Variants in SERP2 observed in about 807,000 individuals in gnomAD.
The protein encoded by SERP2 is stress associated endoplasmic reticulum protein family member 2.
Under a neutral mutation model 9.1 loss-of-function variants are expected in SERP2, and 6 were observed. The ratio of observed to expected loss-of-function variants is 0.66; its 90% CI spans 0.36 to 1.30. The LOEUF (loss-of-function observed/expected upper bound fraction) is 1.30, where lower values mean the gene tolerates loss of function less well. Ranked by LOEUF, SERP2 falls within the 50% of genes most tolerant of loss-of-function variation. SERP2 has a pLI of 0.03. For synonymous variants in SERP2, 37 were observed against 27.3 expected (o/e 1.35, Z -1.10); for missense variants, 58 against 81.9 (o/e 0.71, Z 1.13).
intron 2 of SERP2, among the ~76,000 whole-genome samples, chr13:44,380,352 ACTT>A (rs1423525186): frequency 6.6e-6 from 1 of 152,132 alleles, no homozygotes; most frequent in Non-Finnish European, 1.5e-5. Flanking sequence ...AGTGGAGGTC[ACTT>A]CTTCTAACTA....
chr13:44,392,212 A>AAAAAAAAAAAAAAAAAAC, intron 2 of SERP2, among the ~76,000 whole-genome samples: 1 of 147,806 alleles, frequency 6.8e-6, no homozygotes, highest in African/African-American at 2.5e-5. Context: ...AAAAAAAAAA[A>AAAAAAAAAAAAAAAAAAC]AGCCCTGTGG....
chr13:44,396,896 G>A (rs376358349), intron 2 of SERP2, among the ~76,000 whole-genome samples: 20 of 152,198 alleles, frequency 1.3e-4, no homozygotes, highest in East Asian at 1.2e-3. Flanking sequence ...TGAAAAGGCA[G>A]ACTCACTGAC....
At chr13:44,377,222 A>G (rs769507607) in intron 1 of SERP2, among the ~76,000 whole-genome samples, 32 of 152,246 alleles carry the variant, frequency 2.1e-4, no homozygotes, top group Non-Finnish European at 4.1e-4. Context: ...TTTTCTGCAT[A>G]TGAAAAATAA....
rs1872156620 is a variant in SERP2, at chr13:44,383,739, G to A, written c.157+4026G>A. On this transcript the variant is annotated intron_variant, in intron 2 of 2. Transcript: ENST00000379179. ...ATTTTTTTTTTTTTTTTTTAGTAGT[G>A]ACGGGGTTTCACCATGTTGGCCAGA... 6.8e-5 allele frequency among the ~76,000 whole-genome samples: 10 copies of A among 147,674 alleles called. No homozygotes were observed. The South Asian group carries it at 2.1e-3, about 32-fold the overall frequency.
At chr13:44,391,747 TTGTGTTTTAACCTGTCCCCAAGAGAC>T (rs1872782986) in intron 2 of SERP2, among the ~76,000 whole-genome samples, 1 of 152,098 alleles carries the variant, frequency 6.6e-6, no homozygotes, top group Non-Finnish European at 1.5e-5. Context: ...TGTCCAGCAT[TTGTGTTTTAACCTGTCCCCAAGAGAC>T]TGTGATGCAT....
At chr13:44,380,513 A>C (rs1261272788) in intron 2 of SERP2, among the ~76,000 whole-genome samples, 1 of 152,214 alleles carries the variant, frequency 6.6e-6, no homozygotes, top group African/African-American at 2.4e-5. Flanking sequence ...ATGACTAAAG[A>C]TGAATCATGC....
intron 2 of SERP2, among the ~76,000 whole-genome samples, chr13:44,382,170 G>A (rs1374438511): frequency 6.6e-6 from 1 of 151,760 alleles, no homozygotes; most frequent in Non-Finnish European, 1.5e-5. Flanking sequence ...TGGGCGCGGT[G>A]GCTCACGCCT....
At chr13:44,386,667 G>A (rs1287930640) in intron 2 of SERP2, among the ~76,000 whole-genome samples, 2 of 152,198 alleles carry the variant, frequency 1.3e-5, no homozygotes, top group Non-Finnish European at 2.9e-5. Context: ...ACAGGCGTGA[G>A]CCACCACACC....
chr13:44,383,443 T>C (rs1170858018), intron 2 of SERP2, among the ~76,000 whole-genome samples: 1 of 152,014 alleles, frequency 6.6e-6, no homozygotes, highest in Non-Finnish European at 1.5e-5. Context: ...CCCTCTTGGG[T>C]AAATTGGGAC....
At chr13:44,394,537 G>A (rs1872974194) in intron 2 of SERP2, among the ~76,000 whole-genome samples, 2 of 152,204 alleles carry the variant, frequency 1.3e-5, no homozygotes, top group South Asian at 2.1e-4. Context: ...GGGGCTACAT[G>A]GACTAAGACA....
At chr13:44,388,393 CAGT>C (rs1380343854) in intron 2 of SERP2, among the ~76,000 whole-genome samples, 1 of 152,138 alleles carries the variant, frequency 6.6e-6, no homozygotes, top group African/African-American at 2.4e-5. Context: ...TGTGTATGTA[CAGT>C]ATATCTCCCT....
chr13:44,396,392 G>C (rs1873104556), intron 2 of SERP2, among the ~76,000 whole-genome samples: 1 of 139,654 alleles, frequency 7.2e-6, no homozygotes, highest in Non-Finnish European at 1.5e-5. Context: ...TGTTTATTCT[G>C]TTTTTACACA....
At chr13:44,396,959 G>T (rs1475417919) in intron 2 of SERP2, among the ~76,000 whole-genome samples, 2 of 152,204 alleles carry the variant, frequency 1.3e-5, no homozygotes, top group African/African-American at 4.8e-5. Context: ...CTCCCAGGCA[G>T]CCCCAGAACT....
At chr13:44,396,310 T>C (rs886364782) in intron 2 of SERP2, among the ~76,000 whole-genome samples, 3 of 151,972 alleles carry the variant, frequency 2.0e-5, no homozygotes, top group Admixed American at 1.3e-4. Context: ...AACTCTGTTT[T>C]ACCGTGGATC....
chr13:44,389,441 G>A (rs1872510302), intron 2 of SERP2, among the ~76,000 whole-genome samples: 1 of 152,180 alleles, frequency 6.6e-6, no homozygotes, highest in South Asian at 2.1e-4. Context: ...GTTTAGTGGA[G>A]TGACAGTATT....
chr13:44,397,412 T>A lies in SERP2; in HGVS notation c.*100T>A, dbSNP rs554533420. On this transcript the variant is annotated 3_prime_UTR_variant, in exon 3 of 3. Coordinates refer to ENST00000379179, the MANE Select transcript of SERP2 (RefSeq NM_001010897.3). ...CGGGAAACAAGCAGGCCACACGGAA[T>A]AGAAAAAAACGCTCCCCCACTTGTT... is the stretch of plus-strand genomic sequence containing the variant. 267 of 942,466 alleles carry A rather than the reference T, an allele frequency of 2.8e-4. 1 individual carries two copies. The Admixed American group carries it at 5.1e-3, about 18-fold the overall frequency. 58.4% of individuals were successfully genotyped at this position (942,466 alleles called of 1,614,324 possible). A position where few individuals can be genotyped will look rare whatever the true frequency, so the allele number is the denominator to read the frequency against.
rs973043799 is a variant in SERP2, at chr13:44,373,855, G to C, written c.-171G>C. ...GTCCGGGCTGCGGCCTCTCTCTGGA[G>C]TCGGCTAGCCGGGGCTCGGGGAGCG... On this transcript the variant is annotated 5_prime_UTR_variant, in exon 1 of 3. Coordinates refer to ENST00000379179, the MANE Select transcript of SERP2 (RefSeq NM_001010897.3). The surrounding 1 kb of genome is among the most constrained non-coding windows in gnomAD (Gnocchi z 4.8). The C allele has an allele frequency of 5.4e-6, 3 of 556,734 alleles. No individual in the cohort carries two copies. In the East Asian group the frequency reaches 1.1e-4, roughly 20 times the overall value. The allele number at this position is 556,734 out of a possible 1,614,324, so 34.5% of individuals were successfully genotyped here. A position where few individuals can be genotyped will look rare whatever the true frequency, so the allele number is the denominator to read the frequency against.
At chr13:44,397,201 G>A in intron 2 of SERP2, 71 bp from the exon 3 acceptor site, 2 of 1,294,164 alleles carry the variant, frequency 1.5e-6, no homozygotes, top group South Asian at 2.4e-5. Flanking sequence ...GCAGAAGCCG[G>A]GCTCACTGTG....
At position 44,397,335 on chromosome 13, in the gene SERP2, C is replaced by A. The variant is rs748201523; in HGVS notation, c.*23C>A. 1.9e-6 allele frequency: 3 copies of A among 1,591,110 alleles called. No homozygotes were observed. The Admixed American group carries it at 5.0e-5, about 27-fold the overall frequency. ...TGAGAAAGCCAGGGATTTGACACCA[C>A]CTCCCTCCCACTGGAGGCGGGAGGA... is the stretch of plus-strand genomic sequence containing the variant. On this transcript the variant is annotated 3_prime_UTR_variant, in exon 3 of 3. Coordinates refer to ENST00000379179, the MANE Select transcript of SERP2 (RefSeq NM_001010897.3).
Sources: allele counts gnomAD v4.1 joint callset (sites outside exome capture counted in the v4.1 genomes callset), GRCh38; gene constraint gnomAD v4.1.1; non-coding constraint Gnocchi (gnomAD v3.1); transcripts MANE v1.5; gene names NCBI Gene and HGNC (gene_info 2026-07-23, HGNC 2026-07-21).